Variants in SETD5 observed in about 807,000 individuals in gnomAD.
SETD5 encodes the protein SET domain containing 5, also known as histone-lysine N-methyltransferase SETD5.
SETD5 carries 44 observed loss-of-function variants against 153.3 expected under a neutral mutation model. The ratio of observed to expected loss-of-function variants is 0.29; its 90% CI spans 0.23 to 0.37. SETD5 has a LOEUF of 0.37. Among genes scored for constraint, SETD5 ranks in the 10% least tolerant of loss-of-function variants. SETD5 has a pLI of 1.00. For synonymous variants in SETD5, 716 were observed against 645.2 expected (o/e 1.11, Z -1.66); for missense variants, 1,544 against 1,768.0 (o/e 0.87, Z 2.27).
intron 21 of SETD5, chr3:9,474,814 C>A (rs976038221): frequency 6.3e-6 from 4 of 634,154 alleles, no homozygotes; most frequent in Non-Finnish European, 1.1e-5. Flanking sequence ...CTGTAACTCT[C>A]ATCTCTCCAA....
intron 16 of SETD5, among the ~76,000 whole-genome samples, chr3:9,452,692 T>C (rs1366950171): frequency 4.5e-5 from 6 of 133,816 alleles, no homozygotes; most frequent in Admixed American, 4.4e-4. Flanking sequence ...TTTGGTAAAA[T>C]TTTTGTGGAT....
intron 17 of SETD5, among the ~76,000 whole-genome samples, chr3:9,459,836 TGGG>T (rs1441450959): frequency 2.0e-5 from 3 of 151,892 alleles, no homozygotes; most frequent in East Asian, 1.9e-4. Context: ...GCAGGTCAAA[TGGG>T]GGAGGAGAAG....
rs774734884 is a variant in SETD5 at position 9,473,387 on chromosome 3, A to G, written c.3347A>G (p.Gln1116Arg). 1.2e-6 allele frequency: 2 copies of G among 1,614,028 alleles called. No homozygotes were observed. The highest frequency in any genetic ancestry group is 2.2e-5 in the East Asian group (1 of 44,880). Residue 1116 changes from glutamine (Q) to arginine (R), a missense_variant, in exon 20 of 23, where the codon CAG becomes CGG. Physicochemically the swap from Gln to Arg is conservative, Grantham distance 43. Transcript: ENST00000402198. ...TCCGACACTGGTGCCCATGGTGTGC[A>G]GGGATCCTCAGCCCGAACTCCATCT... ...SVSDTGAHGV[Q>R]GSSARTPSSP...
chr3:9,443,829 GC>G (rs2041597492), intron 11 of SETD5, among the ~76,000 whole-genome samples: 1 of 152,200 alleles, frequency 6.6e-6, no homozygotes, highest in African/African-American at 2.4e-5. Context: ...ACTTTGGAAG[GC>G]TGAGGCGGGC....
At chr3:9,462,370 G>A (rs1338726352) in intron 17 of SETD5, among the ~76,000 whole-genome samples, 1 of 149,214 alleles carries the variant, frequency 6.7e-6, no homozygotes, top group African/African-American at 2.5e-5. Flanking sequence ...GGTGGATCAC[G>A]AGGTCAAGAG....
chr3:9,445,591 C>T (rs538175528), intron 12 of SETD5, 66 bp from the exon 13 acceptor site: 13 of 1,381,496 alleles, frequency 9.4e-6, no homozygotes, highest in Non-Finnish European at 1.3e-5. Flanking sequence ...TTTAAGCTAC[C>T]AGAATAAAAC....
At chr3:9,443,258 GAA>G (rs1431122106) in intron 10 of SETD5, 48 bp from the exon 11 acceptor site, 1 of 1,338,162 alleles carries the variant, frequency 7.5e-7, no homozygotes, top group Non-Finnish European at 1.0e-6. Context: ...CTCTCTTACG[GAA>G]AGTTCATGGT....
In SETD5 at chr3:9,475,640, C is replaced by T; in HGVS notation, c.3878C>T (p.Ser1293Phe). The T allele has an allele frequency of 6.2e-7, 1 of 1,613,984 alleles. No individual in the cohort carries two copies. Residue 1293 changes from serine to phenylalanine, a missense_variant, in exon 23 of 23, where the codon TCC becomes TTC. Around this residue, in one of 9 missense-constraint regions of SETD5, gnomAD observed 302 missense variants for 277.6 expected, o/e 1.09. Coordinates refer to ENST00000402198, the MANE Select transcript of SETD5 (RefSeq NM_001080517.3). ...CCCTCTCACGGTTCTTCAGAATCAT[C>T]CCTCTCTTCCACGTCCTATTCCAGC... ...NPPSHGSSES[S>F]LSSTSYSSPA... is the part of the protein sequence containing the mutation.
intron 21 of SETD5, 124 bp from the exon 22 acceptor site, chr3:9,474,944 C>G (rs2045703743): frequency 7.1e-6 from 6 of 845,684 alleles, no homozygotes; most frequent in Admixed American, 2.7e-5. Context: ...CTGCACTCAC[C>G]CAATTTGTCA....
Position 9,448,536 on chromosome 3 carries a change from C to T in SETD5, c.2252C>T (p.Thr751Ile), listed in dbSNP as rs1351619898. The T allele has an allele frequency of 6.2e-7, 1 of 1,613,832 alleles. No homozygotes were observed. The highest frequency in any genetic ancestry group is 2.2e-5 in the East Asian group (1 of 44,892). Residue 751 changes from threonine to isoleucine, a missense_variant, in exon 16 of 23, where the codon ACC becomes ATC. This residue lies in a region of SETD5 where 782 missense variants were observed against 787.2 expected (regional missense o/e 0.99). Transcript: ENST00000402198. The stretch of plus-strand genomic sequence containing the variant: ...ATCCATTCCCCGTTAATTTGCACCA[C>T]CCCCAAACACTACATTCGCTTTGGC... ...GLIHSPLICTTPKHYIRFGSP... is the reference protein window; with the variant it reads ...GLIHSPLICTIPKHYIRFGSP...
intron 1 of SETD5, among the ~76,000 whole-genome samples, chr3:9,415,323 A>G (rs1441801040): frequency 1.3e-5 from 2 of 152,174 alleles, no homozygotes; most frequent in African/African-American, 4.8e-5. Context: ...ATCATTTTTC[A>G]TATTAAGATT....
chr3:9,402,187 A>G (rs2034890113), intron 1 of SETD5, among the ~76,000 whole-genome samples: 2 of 152,188 alleles, frequency 1.3e-5, no homozygotes, highest in Admixed American at 6.5e-5. Flanking sequence ...GAATTGCGTA[A>G]AAGATACCCA....
Position 9,428,956 on chromosome 3 carries a change from T to C in SETD5, c.18T>C (p.Pro6=). ...TGGACGTCATGAGCATTGCAATCCC[T>C]CTGGGAGTCACCACATCAGATACAT... MSIAI[P]LGVTTSDTSY... is the part of the protein sequence containing the mutation. The change falls in exon 3 of 23, where the codon CCT becomes CCC. Residue 6 remains proline (P), a synonymous_variant. Transcript: ENST00000402198. The C allele has an allele frequency of 6.2e-7, 1 of 1,613,334 alleles. No homozygotes were observed. The highest frequency in any genetic ancestry group is 8.5e-7 in the Non-Finnish European group (1 of 1,179,554).
intron 19 of SETD5, among the ~76,000 whole-genome samples, chr3:9,472,561 T>G (rs1373839167): frequency 3.3e-5 from 5 of 152,200 alleles, no homozygotes; most frequent in Non-Finnish European, 7.3e-5. Context: ...TTTCCTCTCT[T>G]TTTACATTAA....
chr3:9,420,697 T>G (rs1194217947), intron 1 of SETD5, among the ~76,000 whole-genome samples: 1 of 152,190 alleles, frequency 6.6e-6, no homozygotes, highest in Non-Finnish European at 1.5e-5. Context: ...TTAACTTGCT[T>G]CAGATTATAA....
intron 1 of SETD5, among the ~76,000 whole-genome samples, chr3:9,407,400 A>G (rs2035872961): frequency 6.6e-6 from 1 of 152,178 alleles, no homozygotes; most frequent in African/African-American, 2.4e-5. Context: ...GTGGAGTCCC[A>G]GGGGAAGACA....
At chr3:9,406,483 C>G (rs772166083) in intron 1 of SETD5, among the ~76,000 whole-genome samples, 94 of 152,106 alleles carry the variant, frequency 6.2e-4, no homozygotes, top group Non-Finnish European at 1.1e-3. Context: ...TGGCTCACGC[C>G]TGTAATCCCA....
intron 1 of SETD5, among the ~76,000 whole-genome samples, chr3:9,399,910 A>G (rs554206840): frequency 1.3e-5 from 2 of 150,576 alleles, no homozygotes; most frequent in African/African-American, 4.9e-5. Context: ...CACAGGGGTG[A>G]GTATACAAGG....
Position 9,434,794 on chromosome 3 carries a change from G to T in SETD5, c.330-30G>T. On this transcript the variant is annotated intron_variant, in intron 5 of 22. Transcript: ENST00000402198. This position sits in a 1 kb window ranked among gnomAD's most constrained non-coding sequence, Gnocchi z 5.6. ...ATGATGTGATGCATGCTGTTGGAAG[G>T]ACTACTTTAAGTTTATTTTCCCTCT... 6.2e-7 allele frequency: 1 copy of T among 1,603,912 alleles called. No homozygotes were observed. The highest frequency in any genetic ancestry group is 1.1e-5 in the South Asian group (1 of 88,768).
Sources: allele counts gnomAD v4.1 joint callset (sites outside exome capture counted in the v4.1 genomes callset), GRCh38; gene constraint gnomAD v4.1.1; regional missense constraint gnomAD v4.1.1; non-coding constraint Gnocchi (gnomAD v3.1); transcripts MANE v1.5; gene names NCBI Gene and HGNC (gene_info 2026-07-23, HGNC 2026-07-21).